Variants in PCDHGB2 observed in about 807,000 individuals in gnomAD.
PCDHGB2 encodes the protein protocadherin gamma subfamily B, 2.
A neutral mutation model predicts 59.3 loss-of-function variants in PCDHGB2; 55 were observed. The ratio of observed to expected loss-of-function variants is 0.93; its 90% confidence interval spans 0.75 to 1.16. The LOEUF (loss-of-function observed/expected upper bound fraction) is 1.16. Ranked by LOEUF, PCDHGB2 falls within the 50% of genes most tolerant of loss-of-function variation. The pLI, the probability that PCDHGB2 is intolerant of heterozygous loss-of-function variation, is 0.00. For synonymous variants in PCDHGB2, 516 were observed against 512.0 expected, an observed-to-expected ratio of 1.01 and a Z score of -0.11; for missense variants, 1,228 against 1,198.5, an observed-to-expected ratio of 1.02 and a Z score of -0.36.
rs1363449 is a variant in PCDHGB2, at chr5:141,413,826, C to T, written c.2421+51270C>T. On this transcript the variant is annotated intron_variant, in intron 1 of 3. Coordinates refer to ENST00000522605, the MANE Select transcript of PCDHGB2 (RefSeq NM_018923.3). ...AGGCCATTCACCACCTGGTCCTCAC[C>T]GCCTCCGACGGGGGTGACCCTCTCC... 4,050 of 1,613,180 alleles carry T rather than the reference C, an allele frequency of 2.5e-3. 115 individuals are homozygous for T. In the African/African-American group the frequency reaches 0.047, roughly 19 times the overall value.
Position 141,404,273 on chromosome 5 carries a change from C to A in PCDHGB2, c.2421+41717C>A, listed in dbSNP as rs751189949. 4.3e-6 allele frequency: 7 copies of A among 1,613,988 alleles called. No homozygotes were observed. The highest frequency in any genetic ancestry group is 5.9e-6 in the Non-Finnish European group (7 of 1,179,880). On this transcript the variant is annotated intron_variant, in intron 1 of 3. Coordinates refer to ENST00000522605, the MANE Select transcript of PCDHGB2 (RefSeq NM_018923.3). ...GTCCACAGAAATTCACATCACCCTG[C>A]AAGTGACTGACATCAATGATAATCC...
intron 1 of PCDHGB2, among the ~76,000 whole-genome samples, chr5:141,406,925 GTAT>G (rs2094866637): frequency 6.6e-6 from 1 of 152,150 alleles, no homozygotes; most frequent in South Asian, 2.1e-4. Flanking sequence ...AGAGAATAAT[GTAT>G]TATTTAATGT....
intron 1 of PCDHGB2, chr5:141,384,805 G>T (rs1314252403): frequency 6.2e-7 from 1 of 1,613,506 alleles, no homozygotes; most frequent in Admixed American, 1.7e-5. Context: ...GCTGGACAGA[G>T]ATGCCCTCAA....
In PCDHGB2 at chr5:141,489,117, T is replaced by A; in HGVS notation, c.2422-5690T>A. On this transcript the variant is annotated intron_variant, in intron 1 of 3. Coordinates refer to ENST00000522605, the MANE Select transcript of PCDHGB2 (RefSeq NM_018923.3). The surrounding 1 kb of genome is among the most constrained non-coding windows in gnomAD (Gnocchi z 4.5). ...AAGAACTGCTGCAAGCAGGCAAACCTCCGAGCAGTTTTTAAGAGGCTGGAA... is the reference window on the plus strand; with the variant it reads ...AAGAACTGCTGCAAGCAGGCAAACCACCGAGCAGTTTTTAAGAGGCTGGAA... The A allele has an allele frequency of 1.4e-5, 5 of 370,102 alleles. No homozygotes were observed. The highest frequency in any genetic ancestry group is 2.3e-5 in the Non-Finnish European group (5 of 214,436). 22.9% of individuals were successfully genotyped at this position (370,102 alleles called of 1,614,324 possible).
rs112156044 is a variant in PCDHGB2, at chr5:141,476,771, G to C, written c.2422-18036G>C. ...CCAGTTAGTGCTGACGGCGTTGGAC[G>C]GAGGGACCCCAGCTCTCTCCGCCAG... On this transcript the variant is annotated intron_variant, in intron 1 of 3. Coordinates refer to ENST00000522605, the MANE Select transcript of PCDHGB2 (RefSeq NM_018923.3). The surrounding 1 kb of genome is among the most constrained non-coding windows in gnomAD (Gnocchi z 7.6). 1.1e-5 allele frequency: 18 copies of C among 1,613,700 alleles called. 1 individual carries two copies. In the South Asian group the frequency reaches 1.3e-4, roughly 12 times the overall value.
rs759742074 is a variant in PCDHGB2 at position 141,403,012 on chromosome 5, G to T, written c.2421+40456G>T. On this transcript the variant is annotated intron_variant, in intron 1 of 3. Transcript: ENST00000522605. ...GATTAGTCCTGCTATGCTCGCTCCT[G>T]GGGATGCTATGGGAGGCCAGGGCCA... 8.1e-6 allele frequency: 13 copies of T among 1,614,072 alleles called. 1 individual carries two copies. The South Asian group carries it at 1.4e-4, about 18-fold the overall frequency.
At position 141,487,905 on chromosome 5, in the gene PCDHGB2, G is replaced by A. The variant is rs1305989274; in HGVS notation, c.2422-6902G>A. The A allele has an allele frequency of 2.9e-6, 2 of 686,270 alleles. No individual in the cohort carries two copies. The highest frequency in any genetic ancestry group is 3.6e-5 in the African/African-American group (2 of 55,348). The allele number at this position is 686,270 out of a possible 1,614,324, so 42.5% of individuals were successfully genotyped here. ...GTGGAAGCATGATGATGGAATGTGG[G>A]AGCACAGGAGGCTACAGTGCACAGG... On this transcript the variant is annotated intron_variant, in intron 1 of 3. Coordinates refer to ENST00000522605, the MANE Select transcript of PCDHGB2 (RefSeq NM_018923.3). This position sits in a 1 kb window ranked among gnomAD's most constrained non-coding sequence, Gnocchi z 5.0.
In PCDHGB2 at chr5:141,511,149, G is replaced by T; in HGVS notation, c.2772G>T (p.Lys924Asn). The change falls in exon 4 of 4, where the codon AAG becomes AAT. Residue 924 changes from lysine to asparagine, a missense_variant. By Grantham distance (94) the Lys-to-Asn change is moderately conservative. Transcript: ENST00000522605. ...APAGGNGNKKKSGKKEKK is the reference protein window; with the variant it reads ...APAGGNGNKKNSGKKEKK The stretch of plus-strand genomic sequence containing the variant: ...CAGGTGGCAATGGCAACAAGAAGAA[G>T]TCGGGCAAGAAGGAGAAGAAGTAAC... 1 of 1,614,176 alleles carries T rather than the reference G, an allele frequency of 6.2e-7. No homozygotes were observed. The highest frequency in any genetic ancestry group is 8.5e-7 in the Non-Finnish European group (1 of 1,179,998).
At chr5:141,406,267 G>A (rs2094786630) in intron 1 of PCDHGB2, among the ~76,000 whole-genome samples, 1 of 151,854 alleles carries the variant, frequency 6.6e-6, no homozygotes, top group African/African-American at 2.4e-5. Context: ...CGATCTTCCT[G>A]CTTCAGTTTC....
rs559433377 is a variant in PCDHGB2, at chr5:141,432,679, G to A, written c.2422-62128G>A. ...TGCTGGACAGAGACGCGCTCAAGCAGAGCCTCGTAGTGGCCGTCCAGGACC... is the reference window on the plus strand; with the variant it reads ...TGCTGGACAGAGACGCGCTCAAGCAAAGCCTCGTAGTGGCCGTCCAGGACC... On this transcript the variant is annotated intron_variant, in intron 1 of 3. Transcript: ENST00000522605. The surrounding 1 kb of genome is among the most constrained non-coding windows in gnomAD (Gnocchi z 6.0). The A allele has an allele frequency of 2.3e-4, 369 of 1,613,834 alleles. 1 individual carries two copies. The highest frequency in any genetic ancestry group is 1.7e-4 in the Middle Eastern group (1 of 6,056).
Position 141,477,312 on chromosome 5 carries a change from TTACTTC to T in PCDHGB2, c.2422-17493_2422-17488del, listed in dbSNP as rs773034406. Reference sequence around the variant, plus strand: ...GTTCCACCGGGTCTCCCTTTCAGCCTTACTTCTTCCCTCAAGAATTACTTCACTTTG... The same window carrying T: ...GTTCCACCGGGTCTCCCTTTCAGCCTTTCCCTCAAGAATTACTTCACTTTG... On this transcript the variant is annotated intron_variant, in intron 1 of 3. Coordinates refer to ENST00000522605, the MANE Select transcript of PCDHGB2 (RefSeq NM_018923.3). The surrounding 1 kb of genome is among the most constrained non-coding windows in gnomAD (Gnocchi z 4.9). The T allele has an allele frequency of 2.5e-6, 4 of 1,614,162 alleles. No homozygotes were observed. Among genetic ancestry groups the T allele is most frequent in the Non-Finnish European group, 3.4e-6 (4 of 1,180,032 alleles).
At chr5:141,438,063 A>G (rs540817874) in intron 1 of PCDHGB2, among the ~76,000 whole-genome samples, 11 of 152,224 alleles carry the variant, frequency 7.2e-5, no homozygotes, top group Non-Finnish European at 1.5e-4. Context: ...CTTTTAAGAA[A>G]CCATACTTAA....
At chr5:141,508,841 C>G (rs969875150) in intron 3 of PCDHGB2, among the ~76,000 whole-genome samples, 1 of 152,140 alleles carries the variant, frequency 6.6e-6, no homozygotes, top group Admixed American at 6.5e-5. Flanking sequence ...TCCCCTACCC[C>G]TTCCATTCCC....
intron 1 of PCDHGB2, chr5:141,394,095 G>C (rs1222166545): frequency 1.9e-6 from 3 of 1,613,848 alleles, no homozygotes; most frequent in Non-Finnish European, 2.5e-6. Flanking sequence ...CTCAGATCTA[G>C]GAACACCACC....
At chr5:141,395,174 AAATGATT>A in intron 1 of PCDHGB2, 1 of 1,614,220 alleles carries the variant, frequency 6.2e-7, no homozygotes, top group Non-Finnish European at 8.5e-7. Flanking sequence ...GCTGTGAGAA[AAATGATT>A]CTTTGTTAAC....
chr5:141,371,543 A>T, intron 1 of PCDHGB2: 1 of 1,613,812 alleles, frequency 6.2e-7, no homozygotes, highest in Non-Finnish European at 8.5e-7. Context: ...GAGAAATCCT[A>T]TGCCAACTAA....
intron 1 of PCDHGB2, chr5:141,416,991 T>A (rs1052950610): frequency 2.0e-5 from 3 of 151,906 alleles, no homozygotes; most frequent in Non-Finnish European, 4.4e-5. Context: ...TTATTGTGCA[T>A]TCATCTCAAA....
chr5:141,500,400 G>A (rs2099799942), intron 2 of PCDHGB2, among the ~76,000 whole-genome samples: 1 of 151,666 alleles, frequency 6.6e-6, no homozygotes, highest in East Asian at 1.9e-4. Context: ...TAGTAGAGAC[G>A]GGGTTTCACC....
rs1322608789 is a variant in PCDHGB2, at chr5:141,485,671, G to A, written c.2422-9136G>A. 3 of 1,612,860 alleles carry A rather than the reference G, an allele frequency of 1.9e-6. No homozygotes were observed. The highest frequency in any genetic ancestry group is 2.5e-6 in the Non-Finnish European group (3 of 1,179,040). On this transcript the variant is annotated intron_variant, in intron 1 of 3. Coordinates refer to ENST00000522605, the MANE Select transcript of PCDHGB2 (RefSeq NM_018923.3). This position sits in a 1 kb window ranked among gnomAD's most constrained non-coding sequence, Gnocchi z 5.7. Reference sequence around the variant, plus strand: ...AGGATGCAGATGTGGGGAGCAATTCGATTAGCAGCTATAGGCTGAGCTCCA... The same window carrying A: ...AGGATGCAGATGTGGGGAGCAATTCAATTAGCAGCTATAGGCTGAGCTCCA...
Sources: allele counts gnomAD v4.1 joint callset (sites outside exome capture counted in the v4.1 genomes callset), GRCh38; gene constraint gnomAD v4.1.1; non-coding constraint Gnocchi (gnomAD v3.1); transcripts MANE v1.5; gene names NCBI Gene and HGNC (gene_info 2026-07-23, HGNC 2026-07-21).